The following FTO variants were observed in gnomAD, a reference collection of about 807,000 sequenced individuals.
FTO encodes FTO alpha-ketoglutarate dependent dioxygenase.
In FTO, 47 loss-of-function variants were observed where a neutral mutation model predicts 63.9. The observed-to-expected ratio is 0.74, with a 90% CI of 0.58 to 0.94. The LOEUF (loss-of-function observed/expected upper bound fraction) is 0.94, where lower values mean the gene tolerates loss of function less well. Ranked by LOEUF, FTO falls within the 40% of genes least tolerant of loss-of-function variation. The pLI, the probability that FTO is intolerant of heterozygous loss-of-function variation, is 0.00. For synonymous variants in FTO, 207 were observed against 224.4 expected (o/e 0.92, Z 0.69); for missense variants, 562 against 618.1 (o/e 0.91, Z 0.96).
intron 8 of FTO, among the ~76,000 whole-genome samples, chr16:54,027,069 G>A (rs889048934): frequency 6.8e-6 from 1 of 146,134 alleles, no homozygotes; most frequent in Non-Finnish European, 1.5e-5. Context: ...AGTTATGAGA[G>A]TGTGAGAGAG....
chr16:53,721,599 T>G (rs531785507), intron 1 of FTO, among the ~76,000 whole-genome samples: 6 of 152,342 alleles, frequency 3.9e-5, no homozygotes, highest in Admixed American at 3.9e-4. Flanking sequence ...AGTAAGTCTC[T>G]TTTACTTACC....
chr16:53,929,686 C>A (rs184445793), intron 7 of FTO, among the ~76,000 whole-genome samples: 1 of 152,152 alleles, frequency 6.6e-6, no homozygotes, highest in African/African-American at 2.4e-5. Context: ...AACTTAAATG[C>A]TATTTTAGAT....
chr16:53,843,036 A>G (rs957353977), intron 3 of FTO, among the ~76,000 whole-genome samples: 6 of 152,186 alleles, frequency 3.9e-5, no homozygotes, highest in Admixed American at 3.9e-4. Flanking sequence ...TATATTAGAT[A>G]GTTCCATATC....
At chr16:53,799,624 A>G (rs568538531) in intron 1 of FTO, among the ~76,000 whole-genome samples, 2 of 152,274 alleles carry the variant, frequency 1.3e-5, no homozygotes, top group South Asian at 2.1e-4. Flanking sequence ...GGGATAACAC[A>G]AAAGTATGGA....
At chr16:53,904,147 C>T (rs2081477153) in intron 7 of FTO, among the ~76,000 whole-genome samples, 1 of 151,870 alleles carries the variant, frequency 6.6e-6, no homozygotes, top group African/African-American at 2.4e-5. Context: ...ATGCCAGTTT[C>T]CCAACATCCT....
At chr16:53,828,799 T>G (rs2079073979) in intron 3 of FTO, among the ~76,000 whole-genome samples, 1 of 152,202 alleles carries the variant, frequency 6.6e-6, no homozygotes, top group South Asian at 2.1e-4. Context: ...ATATCCAGGC[T>G]TCAGAATCTT....
At chr16:54,066,833 T>C (rs2085744015) in intron 8 of FTO, among the ~76,000 whole-genome samples, 2 of 152,242 alleles carry the variant, frequency 1.3e-5, no homozygotes, top group South Asian at 4.1e-4. Context: ...GGCACAATAC[T>C]GCACTGTAGA....
At chr16:53,835,406 A>G (rs2079261242) in intron 3 of FTO, among the ~76,000 whole-genome samples, 1 of 152,206 alleles carries the variant, frequency 6.6e-6, no homozygotes, top group Admixed American at 6.5e-5. Flanking sequence ...TTAGGAGGTA[A>G]ATTTTTAAGA....
intron 8 of FTO, among the ~76,000 whole-genome samples, chr16:53,954,683 T>A (rs2082881930): frequency 6.6e-6 from 1 of 152,052 alleles, no homozygotes; most frequent in Non-Finnish European, 1.5e-5. Flanking sequence ...GACGACGGTT[T>A]CAGCTGTGGC....
At chr16:53,911,154 T>C in intron 7 of FTO, 1 of 521,972 alleles carries the variant, frequency 1.9e-6, no homozygotes. Flanking sequence ...TGCCAGGCAG[T>C]GTTCTCTCAT....
chr16:53,899,199 C>T (rs999851164), intron 7 of FTO, among the ~76,000 whole-genome samples: 7 of 151,192 alleles, frequency 4.6e-5, no homozygotes, highest in Non-Finnish European at 8.8e-5. Context: ...TGAGCAATCA[C>T]AGGCAAACAA....
At chr16:53,802,971 T>G (rs1375208359) in intron 1 of FTO, among the ~76,000 whole-genome samples, 1 of 152,234 alleles carries the variant, frequency 6.6e-6, no homozygotes, top group Non-Finnish European at 1.5e-5. Flanking sequence ...ATAGCTATAC[T>G]TACTGTTTCA....
intron 8 of FTO, among the ~76,000 whole-genome samples, chr16:54,087,539 C>T (rs564376688): frequency 1.2e-4 from 18 of 152,272 alleles, no homozygotes. Context: ...CACAGTGGCT[C>T]ACACCTGTAA....
At position 53,922,808 on chromosome 16, in the gene FTO, C is replaced by G. The variant is rs536687309; in HGVS notation, c.1240-11177C>G. Among the ~76,000 whole-genome samples, 88 of 152,318 alleles carry G rather than the reference C, an allele frequency of 5.8e-4. No homozygotes were observed. The South Asian group carries it at 0.017, about 29-fold the overall frequency. On this transcript the variant is annotated intron_variant, in intron 7 of 8. Transcript: ENST00000471389. ...GGAAATAAGTTGATATTCTTTCCAA[C>G]ATCGAATGGATTCATTTCACAGAGT...
chr16:53,996,544 A>C (rs1199082102), intron 8 of FTO, among the ~76,000 whole-genome samples: 1 of 152,214 alleles, frequency 6.6e-6, no homozygotes, highest in Non-Finnish European at 1.5e-5. Context: ...CTTGGAGCCT[A>C]GTAAGGGAGA....
intron 1 of FTO, among the ~76,000 whole-genome samples, chr16:53,756,965 T>C (rs1042295912): frequency 6.6e-6 from 1 of 152,210 alleles, no homozygotes; most frequent in African/African-American, 2.4e-5. Flanking sequence ...AAGCAAGTTT[T>C]GTAGCGTTGT....
intron 3 of FTO, among the ~76,000 whole-genome samples, chr16:53,830,053 C>T (rs1239403098): frequency 1.3e-5 from 2 of 152,188 alleles, no homozygotes; most frequent in Non-Finnish European, 2.9e-5. Context: ...AGACTCTGCT[C>T]TCAATACCTT....
chr16:53,838,768 G>A (rs912362387), intron 3 of FTO, among the ~76,000 whole-genome samples: 3 of 152,054 alleles, frequency 2.0e-5, no homozygotes, highest in African/African-American at 7.2e-5. Context: ...GGACCTGGGA[G>A]GTGGAGGTTG....
At chr16:54,003,608 A>G (rs971376049) in intron 8 of FTO, among the ~76,000 whole-genome samples, 6 of 152,176 alleles carry the variant, frequency 3.9e-5, no homozygotes, top group Admixed American at 3.9e-4. Flanking sequence ...CTCCAGCCTC[A>G]GCCTCCAAAA....
Sources: gnomAD v4.1 joint callset for allele counts (sites outside exome capture counted in the v4.1 genomes callset) on GRCh38, gnomAD v4.1.1 for gene constraint, MANE v1.5 for transcripts, NCBI Gene and HGNC (gene_info 2026-07-23, HGNC 2026-07-21) for gene names.